LRRC7: variants seen among roughly 807,000 people sequenced by gnomAD.
LRRC7 encodes leucine rich repeat containing 7.
LRRC7 carries 23 observed loss-of-function variants against 175.7 expected under a neutral mutation model. The observed-to-expected ratio is 0.13, with a 90% CI of 0.09 to 0.19. The LOEUF is 0.19. LRRC7 is among the 10% of genes least tolerant of loss of function. LRRC7 has a pLI of 1.00. For missense variants in LRRC7, 1,354 were observed against 1,904.7 expected (o/e 0.71, Z 5.38); for synonymous variants, 685 against 680.9 (o/e 1.01, Z -0.09).
intron 24 of LRRC7, among the ~76,000 whole-genome samples, chr1:70,083,120 T>C (rs1420090781): frequency 6.6e-6 from 1 of 152,092 alleles, no homozygotes; most frequent in Non-Finnish European, 1.5e-5. Context: ...TAACTAGGAA[T>C]TTTAGCTGGA....
At chr1:69,962,482 A>G (rs375385966) in intron 8 of LRRC7, among the ~76,000 whole-genome samples, 121 of 152,358 alleles carry the variant, frequency 7.9e-4, no homozygotes, top group African/African-American at 2.6e-3. Flanking sequence ...ATTACTGGGT[A>G]TATACCCAAA....
At chr1:69,681,520 T>A (rs529953973) in intron 2 of LRRC7, among the ~76,000 whole-genome samples, 2 of 152,294 alleles carry the variant, frequency 1.3e-5, no homozygotes, top group Admixed American at 1.3e-4. Context: ...AGTTATTTAA[T>A]GGGAATTATA....
chr1:69,568,742 GCGGGGGT>G, intron 1 of LRRC7, 101 bp downstream of exon 1: 2 of 831,204 alleles, frequency 2.4e-6, no homozygotes, highest in Non-Finnish European at 3.1e-6. Context: ...CCGGCCGGGG[GCGGGGGT>G]GGCAGGGCGG....
At chr1:69,816,733 A>G (rs147948662) in intron 4 of LRRC7, among the ~76,000 whole-genome samples, 2,265 of 152,258 alleles carry the variant, frequency 0.015, 29 homozygotes, top group South Asian at 0.033. Flanking sequence ...TCCATAGTAT[A>G]TATTAGATCT....
intron 7 of LRRC7, among the ~76,000 whole-genome samples, chr1:69,890,979 C>G (rs1645815949): frequency 6.6e-6 from 1 of 152,238 alleles, no homozygotes; most frequent in South Asian, 2.1e-4. Context: ...GTTTGATCTT[C>G]TGTCCAGACC....
rs779799696 is a variant in LRRC7 at position 69,980,364 on chromosome 1, C to G, written c.712-15C>G. 6.2e-7 allele frequency: 1 copy of G among 1,602,254 alleles called. No homozygotes were observed. Among genetic ancestry groups the G allele is most frequent in the Non-Finnish European group, 8.5e-7 (1 of 1,171,348 alleles). On this transcript the variant is annotated splice_polypyrimidine_tract_variant and intron_variant, in intron 8 of 26. Transcript: ENST00000651989. The stretch of plus-strand genomic sequence containing the variant: ...TTTTGTTTTCCTCTCTCCTTCCTCC[C>G]CACTTCTCTCCCAGCCTGAAGTTCT...
intron 8 of LRRC7, among the ~76,000 whole-genome samples, chr1:69,940,718 G>A (rs955734162): frequency 2.0e-4 from 30 of 151,888 alleles, no homozygotes; most frequent in Admixed American, 1.4e-3. Context: ...TTCACAGCTC[G>A]AAAACATACT....
rs1650309079 is a variant in LRRC7 at position 69,954,692 on chromosome 1, A to G, written c.711+23122A>G. On this transcript the variant is annotated intron_variant, in intron 8 of 26. Transcript: ENST00000651989. Reference sequence around the variant, plus strand: ...CAAATATAAGATAACCACAATAATTATAAAGAAAAACTGTTTTTTTAAGAA... The same window carrying G: ...CAAATATAAGATAACCACAATAATTGTAAAGAAAAACTGTTTTTTTAAGAA... Among the ~76,000 whole-genome samples, 4 of 152,200 alleles carry G rather than the reference A, an allele frequency of 2.6e-5. No homozygotes were observed. The South Asian group carries it at 8.3e-4, about 32-fold the overall frequency.
At chr1:69,886,568 T>A (rs1313599300) in intron 7 of LRRC7, among the ~76,000 whole-genome samples, 1 of 151,310 alleles carries the variant, frequency 6.6e-6, no homozygotes, top group Admixed American at 6.6e-5. Context: ...TGACTCTTTA[T>A]CCAATTTGCC....
At chr1:69,928,886 C>A (rs1393138704) in intron 7 of LRRC7, among the ~76,000 whole-genome samples, 1 of 152,238 alleles carries the variant, frequency 6.6e-6, no homozygotes, top group African/African-American at 2.4e-5. Flanking sequence ...GCAGAAATCA[C>A]CCGTCTTCTG....
At chr1:70,073,291 C>A (rs1476147878) in intron 23 of LRRC7, among the ~76,000 whole-genome samples, 1 of 151,954 alleles carries the variant, frequency 6.6e-6, no homozygotes, top group Non-Finnish European at 1.5e-5. Context: ...TTAAAGAGTT[C>A]AAAATCAGCA....
chr1:69,685,153 G>A (rs1660981693), intron 2 of LRRC7, among the ~76,000 whole-genome samples: 1 of 152,138 alleles, frequency 6.6e-6, no homozygotes, highest in Admixed American at 6.5e-5. Context: ...GACCAGATCA[G>A]CATTAGCATT....
intron 4 of LRRC7, among the ~76,000 whole-genome samples, chr1:69,812,246 A>G (rs1677981414): frequency 6.6e-6 from 1 of 152,144 alleles, no homozygotes; most frequent in Non-Finnish European, 1.5e-5. Flanking sequence ...GCTAAAACTT[A>G]TATCCCAACG....
At position 70,036,111 on chromosome 1, in the gene LRRC7, T is replaced by C; in HGVS notation, c.1996-10T>C. 1 of 1,591,342 alleles carries C rather than the reference T, an allele frequency of 6.3e-7. No individual in the cohort carries two copies. The highest frequency in any genetic ancestry group is 1.1e-5 in the South Asian group (1 of 88,440). The stretch of plus-strand genomic sequence containing the variant: ...TTACTTTCCTTGTCCTGTATTATTA[T>C]ATCTCTCAGGATTCTTTTGTTCATC... On this transcript the variant is annotated splice_polypyrimidine_tract_variant and intron_variant, in intron 18 of 26. Coordinates refer to ENST00000651989, the MANE Select transcript of LRRC7 (RefSeq NM_001370785.2).
intron 2 of LRRC7, among the ~76,000 whole-genome samples, chr1:69,730,570 A>G (rs1667462280): frequency 6.6e-6 from 1 of 152,136 alleles, no homozygotes; most frequent in Admixed American, 6.5e-5. Context: ...CCATATCACT[A>G]TTAACATTTT....
At chr1:69,671,867 C>T (rs562176540) in intron 1 of LRRC7, among the ~76,000 whole-genome samples, 25 of 152,222 alleles carry the variant, frequency 1.6e-4, no homozygotes, top group Non-Finnish European at 2.8e-4. Context: ...GCCATGTGGC[C>T]GCTGCTGGGG....
chr1:69,974,253 T>C (rs1652586359), intron 8 of LRRC7, among the ~76,000 whole-genome samples: 1 of 152,206 alleles, frequency 6.6e-6, no homozygotes, highest in Non-Finnish European at 1.5e-5. Context: ...TCATTTACCT[T>C]ATACTGTTGT....
chr1:69,781,077 CATGAGT>C (rs1189490393), intron 3 of LRRC7, among the ~76,000 whole-genome samples: 1 of 152,158 alleles, frequency 6.6e-6, no homozygotes, highest in East Asian at 1.9e-4. Flanking sequence ...ATTTTCCAAG[CATGAGT>C]ATAAGGATGT....
At position 69,905,053 on chromosome 1, in the gene LRRC7, A is replaced by C. The variant is rs568600496; in HGVS notation, c.648-26454A>C. On this transcript the variant is annotated intron_variant, in intron 7 of 26. Coordinates refer to ENST00000651989, the MANE Select transcript of LRRC7 (RefSeq NM_001370785.2). ...GAAAAAGAACTCAGTTATGTCCTCA[A>C]TGGTAGACTTTATTCTATCTACCAT... Among the ~76,000 whole-genome samples, 5 of 152,290 alleles carry C rather than the reference A, an allele frequency of 3.3e-5. No individual in the cohort carries two copies. In the South Asian group the frequency reaches 1.0e-3, roughly 32 times the overall value.
Sources: allele counts gnomAD v4.1 joint callset (sites outside exome capture counted in the v4.1 genomes callset), GRCh38; gene constraint gnomAD v4.1.1; transcripts MANE v1.5; gene names NCBI Gene and HGNC (gene_info 2026-07-23, HGNC 2026-07-21).